Variants in RIC8B observed in about 807,000 individuals in gnomAD.
RIC8B encodes the protein chaperone Ric-8B.
A neutral mutation model predicts 57.5 loss-of-function variants in RIC8B; 16 were observed. The observed-to-expected ratio is 0.28, with a 90% CI of 0.19 to 0.42. The LOEUF is 0.42. Ranked by LOEUF, RIC8B falls within the 10% of genes least tolerant of loss-of-function variation. The probability of loss-of-function intolerance (pLI) is 1.00; values close to 1 mark genes in which losing one functional copy is unlikely to be tolerated. For synonymous variants in RIC8B, 216 were observed against 250.8 expected (o/e 0.86, Z 1.31); for missense variants, 481 against 677.0 (o/e 0.71, Z 3.21).
At chr12:106,844,092 G>C in intron 6 of RIC8B, 145 bp downstream of exon 6, 1 of 667,726 alleles carries the variant, frequency 1.5e-6, no homozygotes, top group Non-Finnish European at 2.6e-6. Context: ...TAATCAAGAA[G>C]TGTGTATTTT....
chr12:106,884,386 A>C (rs12302779), intron 9 of RIC8B, among the ~76,000 whole-genome samples: 1 of 152,150 alleles, frequency 6.6e-6, no homozygotes, highest in South Asian at 2.1e-4. Context: ...AGTTAGGGCA[A>C]TTAATCCAGA....
intron 2 of RIC8B, among the ~76,000 whole-genome samples, chr12:106,807,082 T>C (rs567095378): frequency 1.3e-5 from 2 of 152,322 alleles, no homozygotes; most frequent in Admixed American, 1.3e-4. Context: ...TCCTGTCAAT[T>C]TTCCCTCTAA....
At chr12:106,860,009 A>C (rs940575372) in intron 7 of RIC8B, among the ~76,000 whole-genome samples, 1 of 152,142 alleles carries the variant, frequency 6.6e-6, no homozygotes, top group Non-Finnish European at 1.5e-5. Context: ...GCAGTCACAG[A>C]GGCCCCACTT....
At chr12:106,807,178 T>TGATTCTGTATGGTACA (rs1186379308) in intron 2 of RIC8B, among the ~76,000 whole-genome samples, 1 of 152,260 alleles carries the variant, frequency 6.6e-6, no homozygotes, top group Non-Finnish European at 1.5e-5. Flanking sequence ...CAACCCATTT[T>TGATTCTGTATGGTACA]GATTCTGTAT....
At chr12:106,849,213 A>G (rs1321153686) in intron 6 of RIC8B, among the ~76,000 whole-genome samples, 1 of 152,064 alleles carries the variant, frequency 6.6e-6, no homozygotes, top group African/African-American at 2.4e-5. Flanking sequence ...GTATCAAAAT[A>G]TCTCATATAC....
intron 6 of RIC8B, among the ~76,000 whole-genome samples, chr12:106,849,004 G>A (rs1949338244): frequency 6.6e-6 from 1 of 152,088 alleles, no homozygotes; most frequent in Non-Finnish European, 1.5e-5. Context: ...GAGGAGTGGG[G>A]ATGGCTAATG....
rs1950170438 is a variant in RIC8B, at chr12:106,867,028, T to G, written c.1452-3795T>G. ...AGTTCCTTTTTTAACCACAATGCTT[T>G]GAATGAATTTAAGCCACACATTGTA... On this transcript the variant is annotated intron_variant, in intron 8 of 9. Transcript: ENST00000392837. This position sits in a 1 kb window ranked among gnomAD's most constrained non-coding sequence, Gnocchi z 4.3. 6.6e-6 allele frequency among the ~76,000 whole-genome samples: 1 copy of G among 152,238 alleles called. No individual in the cohort carries two copies. Among genetic ancestry groups the G allele is most frequent in the African/African-American group, 2.4e-5 (1 of 41,462 alleles).
intron 4 of RIC8B, among the ~76,000 whole-genome samples, chr12:106,831,515 T>G (rs992901112): frequency 2.0e-5 from 3 of 152,212 alleles, no homozygotes; most frequent in Non-Finnish European, 2.9e-5. Context: ...ATGTTTTTAC[T>G]TAGTTTTTAT....
Position 106,879,419 on chromosome 12 carries a change from C to A in RIC8B, c.1572-6485C>A. 1 of 985,138 alleles carries A rather than the reference C, an allele frequency of 1.0e-6. No individual in the cohort carries two copies. The highest frequency in any genetic ancestry group is 1.7e-5 in the African/African-American group (1 of 57,234). The allele number at this position is 985,138 out of a possible 1,614,324, so 61.0% of individuals were successfully genotyped here. Reference sequence around the variant, plus strand: ...GAAAGAGTCATATAGGAACCAGAAGCCCTAAAAAGCAGAACCTTCTCTAAG... The same window carrying A: ...GAAAGAGTCATATAGGAACCAGAAGACCTAAAAAGCAGAACCTTCTCTAAG... On this transcript the variant is annotated intron_variant, in intron 9 of 9. Transcript: ENST00000392837. This position sits in a 1 kb window ranked among gnomAD's most constrained non-coding sequence, Gnocchi z 4.9.
chr12:106,847,591 G>A (rs893264428), intron 6 of RIC8B, among the ~76,000 whole-genome samples: 2 of 152,114 alleles, frequency 1.3e-5, no homozygotes, highest in African/African-American at 4.8e-5. Flanking sequence ...AATTTTGTGA[G>A]ATTTAGTTTC....
chr12:106,784,075 ATG>A, intron 2 of RIC8B, 31 bp downstream of exon 2: 10 of 1,590,150 alleles, frequency 6.3e-6, no homozygotes, highest in Admixed American at 1.7e-5. Flanking sequence ...GTGAATGTTT[ATG>A]TGTGTGTGTA....
intron 4 of RIC8B, among the ~76,000 whole-genome samples, chr12:106,831,326 T>C (rs1331016503): frequency 1.3e-5 from 2 of 152,224 alleles, no homozygotes; most frequent in Non-Finnish European, 2.9e-5. Context: ...CTTCTCTGTC[T>C]TAAGGATTAA....
chr12:106,775,434 G>A, intron 1 of RIC8B: 1 of 449,954 alleles, frequency 2.2e-6, no homozygotes, highest in South Asian at 1.6e-5. Context: ...TTGTAAGTGG[G>A]TGGAGAATGT....
At position 106,774,797 on chromosome 12, in the gene RIC8B, A is replaced by G. The variant is rs1238277455; in HGVS notation, c.52A>G (p.Ile18Val). 21 of 1,554,104 alleles carry G rather than the reference A, an allele frequency of 1.4e-5. No homozygotes were observed. The highest frequency in any genetic ancestry group is 1.7e-5 in the Non-Finnish European group (20 of 1,148,342). Residue 18 changes from isoleucine to valine, a missense_variant, in exon 1 of 10, where the codon ATC (isoleucine) becomes GTC (valine). Physicochemically the swap from Ile to Val is conservative, Grantham distance 29 (BLOSUM62 3). Coordinates refer to ENST00000392837, the MANE Select transcript of RIC8B (RefSeq NM_001330145.2). The part of the protein sequence containing the change: ...YIVRAGEAGA[I>V]ERVLRDYSDK... ...CGTCCGGGCCGGCGAAGCAGGGGCTATCGAGCGGGTCCTGAGGGATTACAG... is the reference window on the plus strand; with the variant it reads ...CGTCCGGGCCGGCGAAGCAGGGGCTGTCGAGCGGGTCCTGAGGGATTACAG...
intron 1 of RIC8B, among the ~76,000 whole-genome samples, chr12:106,778,983 G>A (rs184594090): frequency 1.6e-4 from 24 of 152,136 alleles, no homozygotes; most frequent in Middle Eastern, 3.4e-3. Context: ...GCGCGATCTC[G>A]GCTTATCATA....
rs1394549592 is a variant in RIC8B at position 106,887,777 on chromosome 12, A to G, written c.*1762A>G. The G allele has an allele frequency of 6.6e-6, 1 of 152,220 alleles. No individual in the cohort carries two copies. Among genetic ancestry groups the G allele is most frequent in the Non-Finnish European group, 1.5e-5 (1 of 68,042 alleles). The allele number at this position is 152,220 out of a possible 1,614,324, so 9.4% of individuals were successfully genotyped here. ...CAAATCTGGGACTGTCTACTTACCA[A>G]AGGATACTCTAGTTGACCCAGAAAA... On this transcript the variant is annotated 3_prime_UTR_variant, in exon 10 of 10. Transcript: ENST00000392837.
chr12:106,812,513 C>CT (rs2045381646), intron 2 of RIC8B, among the ~76,000 whole-genome samples: 1 of 150,696 alleles, frequency 6.6e-6, no homozygotes, highest in Non-Finnish European at 1.5e-5. Flanking sequence ...TATTTGTGTG[C>CT]TTTTAGATAT....
intron 2 of RIC8B, among the ~76,000 whole-genome samples, chr12:106,809,915 T>C (rs942939343): frequency 6.6e-6 from 1 of 152,084 alleles, no homozygotes; most frequent in Admixed American, 6.5e-5. Context: ...GTTGGGCTAC[T>C]GAACACTAGA....
chr12:106,867,382 G>A lies in RIC8B; in HGVS notation c.1452-3441G>A, dbSNP rs114023791. ...TGGAGTGCTACAAAATGGGACAGAG[G>A]AGCAGAGACAAGGTGGAGGAGATCA... On this transcript the variant is annotated intron_variant, in intron 8 of 9. Coordinates refer to ENST00000392837, the MANE Select transcript of RIC8B (RefSeq NM_001330145.2). The surrounding 1 kb of genome is among the most constrained non-coding windows in gnomAD (Gnocchi z 4.3). 3.5e-3 allele frequency among the ~76,000 whole-genome samples: 529 copies of A among 152,308 alleles called. 3 individuals are homozygous for A. Among genetic ancestry groups the A allele is most frequent in the African/African-American group, 0.012 (498 of 41,570 alleles).
Sources: allele counts gnomAD v4.1 joint callset (sites outside exome capture counted in the v4.1 genomes callset), GRCh38; gene constraint gnomAD v4.1.1; non-coding constraint Gnocchi (gnomAD v3.1); transcripts MANE v1.5; gene names NCBI Gene and HGNC (gene_info 2026-07-23, HGNC 2026-07-21).